The following TMC7 variants were observed in gnomAD, a reference collection of about 807,000 sequenced individuals.
TMC7 encodes transmembrane channel like 7.
TMC7 carries 54 observed loss-of-function variants against 82.9 expected under a neutral mutation model. That is an observed-to-expected ratio of 0.65 (90% confidence interval 0.52 to 0.82). The LOEUF (loss-of-function observed/expected upper bound fraction) is 0.82, where lower values mean the gene tolerates loss of function less well. Ranked by LOEUF, TMC7 falls within the 40% of genes least tolerant of loss-of-function variation. The probability of loss-of-function intolerance (pLI) is 0.00; values close to 1 mark genes in which losing one functional copy is unlikely to be tolerated. For missense variants in TMC7, 820 were observed against 901.2 expected (o/e 0.91, Z 1.15); for synonymous variants, 350 against 337.9 (o/e 1.04, Z -0.39).
At chr16:19,025,343 T>C (rs1960171854) in intron 5 of TMC7, among the ~76,000 whole-genome samples, 1 of 152,036 alleles carries the variant, frequency 6.6e-6, no homozygotes, top group Non-Finnish European at 1.5e-5. Context: ...ACCGGCCGGG[T>C]GCGGTGGCTC....
chr16:19,046,855 G>A (rs960449459), intron 11 of TMC7, among the ~76,000 whole-genome samples: 2 of 151,406 alleles, frequency 1.3e-5, no homozygotes, highest in African/African-American at 4.9e-5. Flanking sequence ...AAAAGTCAAG[G>A]ATTGTATGAA....
chr16:19,050,096 GC>G (rs1422487723), intron 12 of TMC7, among the ~76,000 whole-genome samples: 1 of 152,002 alleles, frequency 6.6e-6, no homozygotes, highest in Non-Finnish European at 1.5e-5. Context: ...AAATGGCCGG[GC>G]CCGGTGGCTC....
rs917944255 is a variant in TMC7 at position 19,009,432 on chromosome 16, C to G, written c.311+17C>G. ...GAGACTAAGGTTTGTTCACTAGCCA[C>G]CTGGAACCTGCATTGTGTATGTTAT... On this transcript the variant is annotated intron_variant, in intron 2 of 15. Coordinates refer to ENST00000304381, the MANE Select transcript of TMC7 (RefSeq NM_024847.4). 1.2e-6 allele frequency: 2 copies of G among 1,604,776 alleles called. No homozygotes were observed. Among genetic ancestry groups the G allele is most frequent in the African/African-American group, 1.3e-5 (1 of 74,812 alleles).
At position 19,027,879 on chromosome 16, in the gene TMC7, A is replaced by G. The variant is rs541210695; in HGVS notation, c.712-2345A>G. Among the ~76,000 whole-genome samples the G allele has an allele frequency of 1.3e-4, 20 of 152,288 alleles. No individual in the cohort carries two copies. In the East Asian group the frequency reaches 2.5e-3, roughly 19 times the overall value. On this transcript the variant is annotated intron_variant, in intron 5 of 15. Coordinates refer to ENST00000304381, the MANE Select transcript of TMC7 (RefSeq NM_024847.4). ...TTTAAGAAGACACACACACACACAC[A>G]AGAATGCACAGTTGTCATGAAAAAT...
At chr16:19,005,238 C>T (rs139929860) in intron 1 of TMC7, among the ~76,000 whole-genome samples, 1,522 of 152,094 alleles carry the variant, frequency 0.01, 14 homozygotes, top group Middle Eastern at 0.034. Flanking sequence ...TACAGGCACC[C>T]GCCACCATGC....
At chr16:19,016,325 G>C (rs570975103) in intron 2 of TMC7, 125 bp from the exon 3 acceptor site, 22 of 1,122,918 alleles carry the variant, frequency 2.0e-5, no homozygotes, top group Middle Eastern at 2.9e-4. Flanking sequence ...CCTGACCTCA[G>C]GTGATCCACC....
chr16:19,021,944 AC>A, intron 4 of TMC7, 148 bp downstream of exon 4: 1 of 923,054 alleles, frequency 1.1e-6, no homozygotes, highest in Non-Finnish European at 1.6e-6. Flanking sequence ...GAAACAAGTG[AC>A]CCCATAATGC....
chr16:19,056,095 T>A (rs2142315588), intron 13 of TMC7, among the ~76,000 whole-genome samples: 1 of 138,590 alleles, frequency 7.2e-6, no homozygotes, highest in South Asian at 2.2e-4. Flanking sequence ...TCTTTCTTTC[T>A]TTTTTTTTTT....
In TMC7 at chr16:19,053,699, G is replaced by A. The variant is rs1012395064; in HGVS notation, c.1871+1883G>A. 5.3e-5 allele frequency among the ~76,000 whole-genome samples: 8 copies of A among 152,040 alleles called. No individual in the cohort carries two copies. In the East Asian group the frequency reaches 9.7e-4, roughly 18 times the overall value. On this transcript the variant is annotated intron_variant, in intron 13 of 15. Coordinates refer to ENST00000304381, the MANE Select transcript of TMC7 (RefSeq NM_024847.4). ...ATTACAGGCGTGAGCCACTGTGCTC[G>A]GCCTGATTTTTTAAAATAGGAAATG...
chr16:19,024,272 T>C (rs1050340185), intron 5 of TMC7, among the ~76,000 whole-genome samples: 1 of 151,954 alleles, frequency 6.6e-6, no homozygotes, highest in Non-Finnish European at 1.5e-5. Context: ...ATAAACAGAA[T>C]TAGCTGGGCG....
chr16:19,058,784 C>T (rs867191370), intron 14 of TMC7, among the ~76,000 whole-genome samples: 1 of 152,180 alleles, frequency 6.6e-6, no homozygotes, highest in Admixed American at 6.6e-5. Context: ...TAGCTCACTG[C>T]AGCCTTGAAC....
At chr16:19,023,674 T>C (rs9673777) in intron 5 of TMC7, among the ~76,000 whole-genome samples, 2 of 152,202 alleles carry the variant, frequency 1.3e-5, no homozygotes, top group Non-Finnish European at 2.9e-5. Context: ...CTGGAACTCC[T>C]GAACTCAGGT....
intron 5 of TMC7, among the ~76,000 whole-genome samples, chr16:19,023,994 G>A (rs1018590922): frequency 1.3e-5 from 2 of 152,160 alleles, no homozygotes; most frequent in Non-Finnish European, 2.9e-5. Context: ...TGCATATCAT[G>A]TACATGGGCG....
chr16:18,993,933 T>C lies in TMC7; in HGVS notation c.67+9803T>C, dbSNP rs185457954. 1.4e-3 allele frequency among the ~76,000 whole-genome samples: 219 copies of C among 152,158 alleles called. 1 individual carries two copies. Among genetic ancestry groups the C allele is most frequent in the African/African-American group, 5.0e-3 (208 of 41,522 alleles). On this transcript the variant is annotated intron_variant, in intron 1 of 15. Coordinates refer to ENST00000304381, the MANE Select transcript of TMC7 (RefSeq NM_024847.4). ...CTATAGCATAGCCTGCCTTTGCTGG[T>C]GAGTGGTGATTAGGCCTGGTGGAGC...
In TMC7 at chr16:19,063,090, C is replaced by G. The variant is rs1962074362; in HGVS notation, c.*1247C>G. 7 of 152,284 alleles carry G rather than the reference C, an allele frequency of 4.6e-5. No individual in the cohort carries two copies. The highest frequency in any genetic ancestry group is 3.9e-4 in the Admixed American group (6 of 15,276). The allele number at this position is 152,284 out of a possible 1,614,324, so 9.4% of individuals were successfully genotyped here. A position where few individuals can be genotyped will look rare whatever the true frequency, so the allele number is the denominator to read the frequency against. On this transcript the variant is annotated 3_prime_UTR_variant, in exon 16 of 16. Coordinates refer to ENST00000304381, the MANE Select transcript of TMC7 (RefSeq NM_024847.4). ...TATTTAAAGTGGAATATTTTTGTAACTGGGATACCAATGAGCTTTTCGGTC... is the reference window on the plus strand; with the variant it reads ...TATTTAAAGTGGAATATTTTTGTAAGTGGGATACCAATGAGCTTTTCGGTC...
At chr16:18,985,828 G>C (rs1476557592) in intron 1 of TMC7, among the ~76,000 whole-genome samples, 4 of 151,816 alleles carry the variant, frequency 2.6e-5, no homozygotes, top group Admixed American at 2.6e-4. Flanking sequence ...CAGTCCGTGG[G>C]GTGGGGCGGG....
intron 15 of TMC7, among the ~76,000 whole-genome samples, chr16:19,060,947 C>T (rs946731902): frequency 9.2e-5 from 14 of 151,556 alleles, no homozygotes; most frequent in African/African-American, 3.2e-4. Flanking sequence ...CCATCACAAC[C>T]GGCTAACTTT....
intron 6 of TMC7, among the ~76,000 whole-genome samples, chr16:19,031,147 TAAATGGTGGG>T (rs1006577987): frequency 7.9e-5 from 12 of 152,164 alleles, no homozygotes; most frequent in African/African-American, 2.4e-4. Flanking sequence ...GTGCCTTTCT[TAAATGGTGGG>T]AAATAGGGCA....
At chr16:19,016,620 G>A (rs2142196135) in intron 3 of TMC7, 22 bp downstream of exon 3, 1 of 1,610,010 alleles carries the variant, frequency 6.2e-7, no homozygotes, top group South Asian at 1.1e-5. Flanking sequence ...TCACCTCTCT[G>A]CAGGCTCCTC....
Sources: gnomAD v4.1 joint callset for allele counts (sites outside exome capture counted in the v4.1 genomes callset) on GRCh38, gnomAD v4.1.1 for gene constraint, MANE v1.5 for transcripts, NCBI Gene and HGNC (gene_info 2026-07-23, HGNC 2026-07-21) for gene names.